Variants in STPG4 observed in about 807,000 individuals in gnomAD.
STPG4 encodes protein STPG4.
Under a neutral mutation model 31.5 loss-of-function variants are expected in STPG4, and 41 were observed. The ratio of observed to expected loss-of-function variants is 1.30; its 90% confidence interval spans 1.01 to 1.69. The LOEUF (loss-of-function observed/expected upper bound fraction) is 1.69. Ranked by LOEUF, STPG4 falls within the 40% of genes most tolerant of loss-of-function variation. The probability of loss-of-function intolerance (pLI) is 0.00; values close to 1 mark genes in which losing one functional copy is unlikely to be tolerated. For missense variants in STPG4, 375 were observed against 293.4 expected (o/e 1.28, Z -2.03); for synonymous variants, 141 against 103.0 (o/e 1.37, Z -2.24).
At chr2:47,097,868 A>C (rs1040742829) in intron 5 of STPG4, among the ~76,000 whole-genome samples, 9 of 151,954 alleles carry the variant, frequency 5.9e-5, no homozygotes, top group African/African-American at 1.9e-4. Flanking sequence ...CTGTAATCCC[A>C]GCACTTTTGG....
intron 5 of STPG4, among the ~76,000 whole-genome samples, chr2:47,102,672 T>C (rs1685824927): frequency 6.6e-6 from 1 of 151,760 alleles, no homozygotes; most frequent in Admixed American, 6.6e-5. Context: ...ATGATAATCC[T>C]TTTCTAATCT....
intron 5 of STPG4, among the ~76,000 whole-genome samples, chr2:47,114,607 A>C (rs1363224061): frequency 6.6e-6 from 1 of 152,208 alleles, no homozygotes; most frequent in Non-Finnish European, 1.5e-5. Context: ...TTGCATGACA[A>C]AGTTGTGTAT....
chr2:47,132,775 C>G (rs1354038861), intron 3 of STPG4, among the ~76,000 whole-genome samples: 1 of 152,078 alleles, frequency 6.6e-6, no homozygotes, highest in Non-Finnish European at 1.5e-5. Flanking sequence ...CTTTCTCTCT[C>G]TCTCTCGCAC....
chr2:47,092,481 T>C (rs561881818), intron 5 of STPG4, among the ~76,000 whole-genome samples: 117 of 146,542 alleles, frequency 8.0e-4, no homozygotes, highest in African/African-American at 2.6e-3. Context: ...TGAGCCATGA[T>C]CATGTCACCG....
intron 5 of STPG4, chr2:47,108,257 C>T (rs1393370695): frequency 1.3e-5 from 2 of 151,624 alleles, no homozygotes; most frequent in Admixed American, 6.6e-5. Flanking sequence ...GCAGGCTCCC[C>T]GAGCCAGCAG....
chr2:47,097,059 A>G, intron 5 of STPG4, among the ~76,000 whole-genome samples: 1 of 152,020 alleles, frequency 6.6e-6, no homozygotes, highest in Non-Finnish European at 1.5e-5. Flanking sequence ...ACAGGGAGGG[A>G]GGGATATGAG....
At chr2:47,145,262 G>A (rs1034205891) in intron 3 of STPG4, among the ~76,000 whole-genome samples, 4 of 152,178 alleles carry the variant, frequency 2.6e-5, no homozygotes, top group African/African-American at 9.7e-5. Context: ...AGGGAGGAAG[G>A]AGTCTAATGG....
rs1359906835 is a variant in STPG4, at chr2:47,087,161, G to C, written c.625-31C>G. The stretch of plus-strand genomic sequence containing the variant: ...AACAGAGCAGAAAACAGGGACTGAT[G>C]AGACAGTGAAACCAAAACCCTGAGG... On this transcript the variant is annotated intron_variant, in intron 6 of 6. Coordinates refer to ENST00000445927, the MANE Select transcript of STPG4 (RefSeq NM_001163561.2). 9.7e-6 allele frequency: 15 copies of C among 1,549,770 alleles called. No homozygotes were observed. The African/African-American group carries it at 1.8e-4, about 18-fold the overall frequency.
At chr2:47,093,471 G>A (rs1685610827) in intron 5 of STPG4, among the ~76,000 whole-genome samples, 1 of 152,208 alleles carries the variant, frequency 6.6e-6, no homozygotes, top group Admixed American at 6.5e-5. Flanking sequence ...AAGATGCAGT[G>A]CTCTGAAGCC....
At chr2:47,087,678 G>C (rs1352886881) in intron 6 of STPG4, among the ~76,000 whole-genome samples, 1 of 152,124 alleles carries the variant, frequency 6.6e-6, no homozygotes, top group East Asian at 1.9e-4. Flanking sequence ...GTGTTCTCAA[G>C]GGATCCACGA....
At chr2:47,115,293 G>A (rs1315565398) in intron 5 of STPG4, among the ~76,000 whole-genome samples, 1 of 151,904 alleles carries the variant, frequency 6.6e-6, no homozygotes, top group Admixed American at 6.6e-5. Flanking sequence ...GTCAACCTGG[G>A]ACATTTCCTC....
chr2:47,114,378 G>C (rs765692567), intron 5 of STPG4, among the ~76,000 whole-genome samples: 1 of 151,908 alleles, frequency 6.6e-6, no homozygotes, highest in African/African-American at 2.4e-5. Context: ...ATGGTGGCAG[G>C]CGCCTATAAT....
intron 3 of STPG4, among the ~76,000 whole-genome samples, chr2:47,135,051 T>G (rs1292821851): frequency 6.6e-6 from 1 of 152,234 alleles, no homozygotes; most frequent in Non-Finnish European, 1.5e-5. Flanking sequence ...AGTTGTTTTC[T>G]TATTGCTGGG....
rs1187325549 is a variant in STPG4 at position 47,105,610 on chromosome 2, G to A, written c.520-15236C>T. On this transcript the variant is annotated intron_variant, in intron 5 of 6. Transcript: ENST00000445927. Reference sequence around the variant, plus strand: ...CTTAGAAGTCCCCTTAACTAATCCTGACCTTAACCTATATACTGATGGAAG... The same window carrying A: ...CTTAGAAGTCCCCTTAACTAATCCTAACCTTAACCTATATACTGATGGAAG... Among the ~76,000 whole-genome samples, 5 of 151,962 alleles carry A rather than the reference G, an allele frequency of 3.3e-5. No homozygotes were observed. In the East Asian group the frequency reaches 5.8e-4, roughly 18 times the overall value.
At chr2:47,132,837 A>G (rs1573186089) in intron 3 of STPG4, among the ~76,000 whole-genome samples, 2 of 152,132 alleles carry the variant, frequency 1.3e-5, no homozygotes, top group African/African-American at 4.8e-5. Flanking sequence ...AGGGGAAAAA[A>G]CCTCTTAAAG....
At chr2:47,117,893 T>C (rs1686183261) in intron 5 of STPG4, among the ~76,000 whole-genome samples, 1 of 151,622 alleles carries the variant, frequency 6.6e-6, no homozygotes. Context: ...AGGGGGAAGT[T>C]GTCACTTTAG....
intron 3 of STPG4, among the ~76,000 whole-genome samples, chr2:47,136,210 A>G (rs1686591674): frequency 6.6e-6 from 1 of 152,016 alleles, no homozygotes; most frequent in Admixed American, 6.6e-5. Context: ...AAATGGCGCA[A>G]TCTCAGCTCA....
intron 5 of STPG4, among the ~76,000 whole-genome samples, chr2:47,121,496 C>T (rs147408119): frequency 2.0e-5 from 3 of 152,234 alleles, no homozygotes; most frequent in Non-Finnish European, 1.5e-5. Flanking sequence ...CCTACAGATA[C>T]GGATATTTAT....
chr2:47,123,101 C>T (rs947200171), intron 5 of STPG4, among the ~76,000 whole-genome samples: 1 of 152,226 alleles, frequency 6.6e-6, no homozygotes. Flanking sequence ...GCTGGGATTA[C>T]AGGCGTGAGC....
Sources: gnomAD v4.1 joint callset for allele counts (sites outside exome capture counted in the v4.1 genomes callset) on GRCh38, gnomAD v4.1.1 for gene constraint, MANE v1.5 for transcripts, NCBI Gene and HGNC (gene_info 2026-07-23, HGNC 2026-07-21) for gene names.